Variants in SHISA9 observed in about 807,000 individuals in gnomAD.
The protein encoded by SHISA9 is shisa family member 9.
Under a neutral mutation model 38.0 loss-of-function variants are expected in SHISA9, and 13 were observed. That is an observed-to-expected ratio of 0.34 (90% CI 0.22 to 0.54). SHISA9 has a LOEUF of 0.54. Ranked by LOEUF, SHISA9 falls within the 20% of genes least tolerant of loss-of-function variation. SHISA9 has a pLI of 0.91. For synonymous variants in SHISA9, 275 were observed against 242.0 expected (o/e 1.14, Z -1.27); for missense variants, 538 against 575.8 (o/e 0.93, Z 0.67).
chr16:13,262,670 A>AAGGAAGGAAGGG, the SHISA9 span, among the ~76,000 whole-genome samples: 79 of 70,674 alleles, frequency 1.1e-3, no homozygotes, highest in Middle Eastern at 8.9e-3. Context: ...GGAAGGAAGG[A>AAGGAAGGAAGGG]AGGGAGGGAG....
At chr16:13,148,513 A>G (rs1276412568) in intron 2 of SHISA9, among the ~76,000 whole-genome samples, 1 of 152,132 alleles carries the variant, frequency 6.6e-6, no homozygotes, top group African/African-American at 2.4e-5. Context: ...ATTGACACTC[A>G]TATCGACACC....
the SHISA9 span, among the ~76,000 whole-genome samples, chr16:13,469,298 AAGAC>A: frequency 1.1e-5 from 1 of 91,494 alleles, no homozygotes; most frequent in Admixed American, 1.1e-4. Context: ...GAGAGAAAGA[AAGAC>A]AGAGAGAGAG....
At chr16:12,998,533 T>A (rs1321242843) in intron 2 of SHISA9, among the ~76,000 whole-genome samples, 3 of 152,152 alleles carry the variant, frequency 2.0e-5, no homozygotes, top group African/African-American at 7.2e-5. Flanking sequence ...CACTTATTCT[T>A]ATTTATTTAT....
intron 2 of SHISA9, among the ~76,000 whole-genome samples, chr16:13,060,304 C>G (rs1475638800): frequency 1.3e-5 from 2 of 152,180 alleles, no homozygotes; most frequent in African/African-American, 4.8e-5. Flanking sequence ...CTTGATCAAA[C>G]CATCCCCAGA....
chr16:13,157,102 C>T (rs1469994715), intron 2 of SHISA9, among the ~76,000 whole-genome samples: 1 of 152,140 alleles, frequency 6.6e-6, no homozygotes, highest in African/African-American at 2.4e-5. Context: ...TCCATCTCCC[C>T]TGCTGTCATC....
intron 2 of SHISA9, among the ~76,000 whole-genome samples, chr16:13,191,856 C>T (rs1361839571): frequency 6.6e-6 from 1 of 152,108 alleles, no homozygotes; most frequent in Non-Finnish European, 1.5e-5. Flanking sequence ...GTATTGAAAG[C>T]TTTAGTAGAA....
the SHISA9 span, among the ~76,000 whole-genome samples, chr16:13,482,815 A>AAG: frequency 3.3e-5 from 5 of 151,416 alleles, no homozygotes; most frequent in East Asian, 5.8e-4. Context: ...AAAAAAAAAA[A>AAG]AAGAGAGAGA....
At chr16:13,396,972 G>A in the SHISA9 span, among the ~76,000 whole-genome samples, 2 of 152,094 alleles carry the variant, frequency 1.3e-5, no homozygotes, top group African/African-American at 4.8e-5. Context: ...CTGAGACAGT[G>A]AGACCAACTC....
the SHISA9 span, among the ~76,000 whole-genome samples, chr16:13,560,830 T>C: frequency 6.6e-6 from 1 of 151,872 alleles, no homozygotes; most frequent in East Asian, 1.9e-4. Flanking sequence ...ACAAAAACAT[T>C]GTTTCTGTGT....
chr16:13,428,593 C>T, the SHISA9 span, among the ~76,000 whole-genome samples: 1 of 152,098 alleles, frequency 6.6e-6, no homozygotes, highest in African/African-American at 2.4e-5. Context: ...CAGATGAATT[C>T]TGCACACTAA....
intron 2 of SHISA9, among the ~76,000 whole-genome samples, chr16:12,990,440 A>G (rs911229417): frequency 6.6e-6 from 1 of 152,180 alleles, no homozygotes; most frequent in Admixed American, 6.5e-5. Flanking sequence ...CCTCACCAGC[A>G]TCTGTTGTGT....
At chr16:13,179,289 G>C (rs2050757941) in intron 2 of SHISA9, among the ~76,000 whole-genome samples, 2 of 152,134 alleles carry the variant, frequency 1.3e-5, no homozygotes, top group African/African-American at 4.8e-5. Flanking sequence ...CCCAGCCCAG[G>C]TGACAGAGCA....
chr16:13,203,698 A>G (rs1471923632), intron 3 of SHISA9, 149 bp downstream of exon 3: 4 of 832,436 alleles, frequency 4.8e-6, no homozygotes, highest in Non-Finnish European at 7.0e-6. Flanking sequence ...CCTCTATCTC[A>G]TTTTTGTTCT....
rs922400490 is a variant in SHISA9, at chr16:12,956,008, T to A, written c.691+39193T>A. On this transcript the variant is annotated intron_variant, in intron 2 of 4. Coordinates refer to ENST00000558583, the MANE Select transcript of SHISA9 (RefSeq NM_001145204.3). ...GGAGAAAATATTTGTAAATTGTGCC[T>A]CCGACAAAAGAGTAATATCAAGAAT... Among the ~76,000 whole-genome samples the A allele has an allele frequency of 4.6e-5, 7 of 152,274 alleles. No individual in the cohort carries two copies. In the East Asian group the frequency reaches 9.6e-4, roughly 21 times the overall value.
chr16:13,215,220 A>G (rs2051157099), intron 4 of SHISA9, among the ~76,000 whole-genome samples: 1 of 152,168 alleles, frequency 6.6e-6, no homozygotes, highest in Non-Finnish European at 1.5e-5. Flanking sequence ...CATCACTTGG[A>G]GGGTTGTTAC....
the SHISA9 span, among the ~76,000 whole-genome samples, chr16:13,333,776 C>G: frequency 1.2e-4 from 19 of 152,238 alleles, no homozygotes; most frequent in East Asian, 3.3e-3. Flanking sequence ...CTACCCTTAG[C>G]AGCAAAAAGG....
At chr16:13,191,037 C>A (rs982202116) in intron 2 of SHISA9, among the ~76,000 whole-genome samples, 2 of 151,924 alleles carry the variant, frequency 1.3e-5, no homozygotes, top group African/African-American at 4.8e-5. Context: ...TTGACAAATT[C>A]AGGGTAATTT....
intron 2 of SHISA9, among the ~76,000 whole-genome samples, chr16:13,026,769 T>C (rs765316208): frequency 2.0e-5 from 3 of 152,224 alleles, no homozygotes; most frequent in Non-Finnish European, 4.4e-5. Context: ...TAGCATCATT[T>C]TGAAGACTAC....
intron 4 of SHISA9, among the ~76,000 whole-genome samples, chr16:13,225,371 A>G (rs1322891551): frequency 6.6e-6 from 1 of 152,198 alleles, no homozygotes; most frequent in Non-Finnish European, 1.5e-5. Context: ...ACGAACACAC[A>G]CTGTGATGTG....
Sources: gnomAD v4.1 joint callset for allele counts (sites outside exome capture counted in the v4.1 genomes callset) on GRCh38, gnomAD v4.1.1 for gene constraint, MANE v1.5 for transcripts, NCBI Gene and HGNC (gene_info 2026-07-23, HGNC 2026-07-21) for gene names.